The following CCDC171 variants were observed in gnomAD, a reference collection of about 807,000 sequenced individuals.
CCDC171 encodes the protein coiled-coil domain containing 171.
CCDC171 carries 177 observed loss-of-function variants against 168.2 expected under a neutral mutation model. That is an observed-to-expected ratio of 1.05 (90% CI 0.93 to 1.19). CCDC171 has a LOEUF of 1.19. CCDC171 is among the 50% of genes most tolerant of loss of function. CCDC171 has a pLI of 0.00. For missense variants in CCDC171, 1,991 were observed against 1,539.0 expected, an observed-to-expected ratio of 1.29 and a Z score of -4.91; for synonymous variants, 687 against 540.8, an observed-to-expected ratio of 1.27 and a Z score of -3.75.
intron 3 of CCDC171, among the ~76,000 whole-genome samples, chr9:15,984,654 A>G (rs1831926803): frequency 6.6e-6 from 1 of 152,162 alleles, no homozygotes; most frequent in Non-Finnish European, 1.5e-5. Context: ...TTAATGGACT[A>G]TCAGGCAATG....
intron 3 of CCDC171, among the ~76,000 whole-genome samples, chr9:15,572,095 A>G (rs1461177320): frequency 1.3e-5 from 2 of 152,194 alleles, no homozygotes; most frequent in Admixed American, 6.5e-5. Context: ...TAAGGTCTCC[A>G]TTATGGAGCA....
rs577844073 is a variant in CCDC171, at chr9:15,897,474, C to G, written c.3601-22796C>G. On this transcript the variant is annotated intron_variant, in intron 24 of 25. Coordinates refer to ENST00000380701, the MANE Select transcript of CCDC171 (RefSeq NM_173550.4). ...AGAATAGAGATTCATTATTTTGTTACAAATGTTTATTGAACAACTACAGAA... is the reference window on the plus strand; with the variant it reads ...AGAATAGAGATTCATTATTTTGTTAGAAATGTTTATTGAACAACTACAGAA... 3.3e-5 allele frequency among the ~76,000 whole-genome samples: 5 copies of G among 152,106 alleles called. No homozygotes were observed. In the South Asian group the frequency reaches 1.0e-3, roughly 32 times the overall value.
chr9:15,566,326 G>A (rs2039723195), intron 2 of CCDC171, among the ~76,000 whole-genome samples: 1 of 152,130 alleles, frequency 6.6e-6, no homozygotes, highest in South Asian at 2.1e-4. Context: ...GGGAGGCTGA[G>A]GTGGGTGGAT....
chr9:15,607,644 G>T (rs1445364193), intron 6 of CCDC171, among the ~76,000 whole-genome samples: 1 of 151,934 alleles, frequency 6.6e-6, no homozygotes, highest in Admixed American at 6.6e-5. Flanking sequence ...GCATTTTTTA[G>T]TAGAGACGGG....
At chr9:16,001,835 A>G (rs192951492) in intron 3 of CCDC171, among the ~76,000 whole-genome samples, 2 of 140,180 alleles carry the variant, frequency 1.4e-5, no homozygotes, top group African/African-American at 5.2e-5. Flanking sequence ...CGGATTTATT[A>G]TCTTTTTTTT....
Position 15,846,824 on chromosome 9 carries a change from G to C in CCDC171, c.3390G>C (p.Glu1130Asp). 1 of 1,609,130 alleles carries C rather than the reference G, an allele frequency of 6.2e-7. No homozygotes were observed. The highest frequency in any genetic ancestry group is 8.5e-7 in the Non-Finnish European group (1 of 1,177,402). Residue 1130 changes from glutamate to aspartate, a missense_variant, in exon 22 of 26, where the codon GAG becomes GAC. By Grantham distance (45) the Glu-to-Asp change is conservative (BLOSUM62 2). Transcript: ENST00000380701. The stretch of plus-strand genomic sequence containing the variant: ...TGGAGGAGAACATCCATGATGCAGA[G>C]AGTGCCCTCCGCATGGCAGCCAAGT... Reference protein sequence around the residue: ...RRLEENIHDAESALRMAAKDK... With the variant: ...RRLEENIHDADSALRMAAKDK...
chr9:15,787,837 AT>A (rs2058048563), intron 21 of CCDC171, among the ~76,000 whole-genome samples: 1 of 152,086 alleles, frequency 6.6e-6, no homozygotes, highest in Non-Finnish European at 1.5e-5. Context: ...TTTAATTTGT[AT>A]TTCTTTTATT....
chr9:15,891,350 T>C (rs932891317), intron 24 of CCDC171, among the ~76,000 whole-genome samples: 1 of 152,126 alleles, frequency 6.6e-6, no homozygotes, highest in African/African-American at 2.4e-5. Flanking sequence ...CTGCAAGCTA[T>C]TTATTTCTGT....
intron 23 of CCDC171, among the ~76,000 whole-genome samples, chr9:15,871,948 A>C (rs2062056987): frequency 6.6e-6 from 1 of 151,972 alleles, no homozygotes. Flanking sequence ...CTTTTACAAG[A>C]CTTTTCTAAA....
chr9:16,003,091 C>A (rs73413991), intron 3 of CCDC171, among the ~76,000 whole-genome samples: 2,714 of 152,224 alleles, frequency 0.018, 95 homozygotes, highest in African/African-American at 0.063. Context: ...TGTTGATAAC[C>A]CCTTACACAA....
intron 18 of CCDC171, among the ~76,000 whole-genome samples, chr9:15,760,002 G>A (rs912881121): frequency 3.9e-5 from 6 of 152,124 alleles, no homozygotes; most frequent in African/African-American, 1.4e-4. Context: ...TTTTAGCCAA[G>A]TAGGAAATAG....
intron 6 of CCDC171, among the ~76,000 whole-genome samples, chr9:16,035,126 A>T (rs1427194188): frequency 1.3e-5 from 2 of 152,216 alleles, no homozygotes; most frequent in African/African-American, 4.8e-5. Flanking sequence ...CTGTTTTCTT[A>T]GCTCCCAGGT....
intron 3 of CCDC171, among the ~76,000 whole-genome samples, chr9:15,573,894 CT>C (rs2040429961): frequency 6.6e-6 from 1 of 151,650 alleles, no homozygotes; most frequent in African/African-American, 2.4e-5. Context: ...GACCCTGTAT[CT>C]ACAAAAAATA....
At chr9:15,788,662 G>A (rs568190096) in intron 21 of CCDC171, among the ~76,000 whole-genome samples, 9 of 150,794 alleles carry the variant, frequency 6.0e-5, no homozygotes, top group African/African-American at 2.2e-4. Context: ...TAATTCTCCT[G>A]CCTCACCCTA....
At chr9:16,029,682 G>C (rs1225881738) in intron 6 of CCDC171, among the ~76,000 whole-genome samples, 1 of 152,230 alleles carries the variant, frequency 6.6e-6, no homozygotes, top group Non-Finnish European at 1.5e-5. Context: ...GTCAGGGTTA[G>C]AGAGGAAAAG....
chr9:15,965,692 G>A (rs4961434), intron 25 of CCDC171, among the ~76,000 whole-genome samples: 1 of 98,878 alleles, frequency 1.0e-5, no homozygotes, highest in African/African-American at 6.5e-5. Context: ...AAAAGAGAAG[G>A]GAAGATATGC....
intron 16 of CCDC171, among the ~76,000 whole-genome samples, chr9:15,733,417 C>G: frequency 6.7e-6 from 1 of 149,200 alleles, no homozygotes; most frequent in East Asian, 1.9e-4. Context: ...GGTTTTACAT[C>G]TAGGTCTATG....
At chr9:15,641,244 A>G (rs182862048) in intron 7 of CCDC171, among the ~76,000 whole-genome samples, 1 of 152,176 alleles carries the variant, frequency 6.6e-6, no homozygotes, top group East Asian at 1.9e-4. Context: ...ACTAACATAC[A>G]ACACACTCCT....
At chr9:15,762,783 A>T (rs1005666396) in intron 18 of CCDC171, among the ~76,000 whole-genome samples, 1 of 152,192 alleles carries the variant, frequency 6.6e-6, no homozygotes, top group African/African-American at 2.4e-5. Flanking sequence ...CCTGTTTTGG[A>T]GTCAGTCACC....
Sources: allele counts gnomAD v4.1 joint callset (sites outside exome capture counted in the v4.1 genomes callset), GRCh38; gene constraint gnomAD v4.1.1; transcripts MANE v1.5; gene names NCBI Gene and HGNC (gene_info 2026-07-23, HGNC 2026-07-21).